SCHIP1: variants seen among roughly 807,000 people sequenced by gnomAD.
SCHIP1 encodes the protein schwannomin interacting protein 1.
SCHIP1 carries 8 observed loss-of-function variants against 29.7 expected under a neutral mutation model. That is an observed-to-expected ratio of 0.27 (90% confidence interval 0.16 to 0.49). The LOEUF is 0.49. Among genes scored for constraint, SCHIP1 ranks in the 20% least tolerant of loss-of-function variants. SCHIP1 has a pLI of 0.99. For synonymous variants in SCHIP1, 76 were observed against 94.9 expected, an observed-to-expected ratio of 0.80 and a Z score of 1.16; for missense variants, 193 against 294.6, an observed-to-expected ratio of 0.66 and a Z score of 2.52.
the SCHIP1 span, among the ~76,000 whole-genome samples, chr3:159,381,490 C>T: frequency 6.6e-6 from 1 of 152,192 alleles, no homozygotes. Flanking sequence ...ATCAATCCAT[C>T]CAAAAACCCT....
chr3:159,843,692 G>A (rs986097047), intron 1 of SCHIP1, among the ~76,000 whole-genome samples: 13 of 151,740 alleles, frequency 8.6e-5, no homozygotes, highest in African/African-American at 2.9e-4. Flanking sequence ...CCAAGGTGGC[G>A]GGCACCTGTA....
chr3:159,376,894 T>G, the SCHIP1 span, among the ~76,000 whole-genome samples: 1 of 152,236 alleles, frequency 6.6e-6, no homozygotes, highest in Non-Finnish European at 1.5e-5. Flanking sequence ...GGAGAACTTG[T>G]GGCTTCTGTT....
chr3:159,728,244 G>A, the SCHIP1 span, among the ~76,000 whole-genome samples: 1 of 152,030 alleles, frequency 6.6e-6, no homozygotes, highest in Admixed American at 6.6e-5. Context: ...CCTAGGCAGG[G>A]GATAAAGACT....
chr3:159,647,993 C>A, the SCHIP1 span, among the ~76,000 whole-genome samples: 1 of 152,104 alleles, frequency 6.6e-6, no homozygotes, highest in African/African-American at 2.4e-5. Context: ...CCACTTCTTC[C>A]GCTAGATCCC....
the SCHIP1 span, among the ~76,000 whole-genome samples, chr3:159,336,056 T>G: frequency 6.6e-6 from 1 of 152,352 alleles, no homozygotes; most frequent in African/African-American, 2.4e-5. Flanking sequence ...TGAGAAGGTA[T>G]CTTATTGTGG....
chr3:159,444,488 G>A, the SCHIP1 span, among the ~76,000 whole-genome samples: 4 of 151,274 alleles, frequency 2.6e-5, no homozygotes, highest in Non-Finnish European at 5.9e-5. Context: ...ATTAATTGCT[G>A]CACCTTAAAA....
At chr3:159,297,828 G>T in the SCHIP1 span, among the ~76,000 whole-genome samples, 2 of 152,234 alleles carry the variant, frequency 1.3e-5, no homozygotes, top group South Asian at 4.1e-4. Flanking sequence ...CACTCCATCA[G>T]GTCTTTGCTC....
At chr3:159,863,743 A>AG (rs1714305336) in intron 1 of SCHIP1, among the ~76,000 whole-genome samples, 1 of 152,128 alleles carries the variant, frequency 6.6e-6, no homozygotes, top group Non-Finnish European at 1.5e-5. Flanking sequence ...AGAGAAGGAG[A>AG]GGGGGAAAGA....
At chr3:159,646,001 A>G in the SCHIP1 span, among the ~76,000 whole-genome samples, 1 of 152,174 alleles carries the variant, frequency 6.6e-6, no homozygotes, top group East Asian at 1.9e-4. Flanking sequence ...TTGTGAGTCA[A>G]GATGTCATGT....
At chr3:159,425,785 C>A in the SCHIP1 span, among the ~76,000 whole-genome samples, 1 of 152,010 alleles carries the variant, frequency 6.6e-6, no homozygotes, top group Non-Finnish European at 1.5e-5. Context: ...TGACCACATA[C>A]TTGGAAGTAA....
the SCHIP1 span, among the ~76,000 whole-genome samples, chr3:159,402,948 GA>G: frequency 4.3e-4 from 64 of 150,518 alleles, no homozygotes; most frequent in African/African-American, 1.3e-3. Context: ...AATAATAAAA[GA>G]AAAAAAAGAA....
chr3:159,333,598 C>T, the SCHIP1 span, among the ~76,000 whole-genome samples: 18 of 152,090 alleles, frequency 1.2e-4, no homozygotes, highest in African/African-American at 3.1e-4. Context: ...CCATCCTCAA[C>T]GAACACAGCA....
At chr3:159,543,019 TTAAG>T in the SCHIP1 span, among the ~76,000 whole-genome samples, 2 of 151,290 alleles carry the variant, frequency 1.3e-5, no homozygotes, top group East Asian at 3.9e-4. Context: ...AAAAATGACA[TTAAG>T]TGTGTATGTG....
At chr3:159,391,122 T>G in the SCHIP1 span, among the ~76,000 whole-genome samples, 1 of 152,142 alleles carries the variant, frequency 6.6e-6, no homozygotes, top group African/African-American at 2.4e-5. Context: ...GGGAATAGTT[T>G]AAGGAGTTTG....
At chr3:159,597,071 C>G in the SCHIP1 span, among the ~76,000 whole-genome samples, 1 of 151,768 alleles carries the variant, frequency 6.6e-6, no homozygotes, top group Admixed American at 6.6e-5. Flanking sequence ...ACTGTGACTT[C>G]TCTTACCACC....
chr3:159,276,412 G>C, the SCHIP1 span, among the ~76,000 whole-genome samples: 1 of 152,138 alleles, frequency 6.6e-6, no homozygotes, highest in Non-Finnish European at 1.5e-5. Flanking sequence ...CACTACAAGG[G>C]GCACAGTGGA....
the SCHIP1 span, among the ~76,000 whole-genome samples, chr3:159,594,341 TGTTA>T: frequency 6.6e-6 from 1 of 152,238 alleles, no homozygotes; most frequent in Non-Finnish European, 1.5e-5. Flanking sequence ...TTAAATGTTA[TGTTA>T]GTTGGTTAAT....
At chr3:159,754,732 C>T in the SCHIP1 span, among the ~76,000 whole-genome samples, 1 of 152,092 alleles carries the variant, frequency 6.6e-6, no homozygotes, top group Non-Finnish European at 1.5e-5. Context: ...ACCATCCTGC[C>T]CAAGCCAAGA....
chr3:159,595,570 T>C, the SCHIP1 span, among the ~76,000 whole-genome samples: 3 of 151,970 alleles, frequency 2.0e-5, no homozygotes, highest in Non-Finnish European at 2.9e-5. Context: ...TGGTCAGAGT[T>C]CCACCATCAG....
Sources: allele counts gnomAD v4.1 joint callset (sites outside exome capture counted in the v4.1 genomes callset), GRCh38; gene constraint gnomAD v4.1.1; transcripts MANE v1.5; gene names NCBI Gene and HGNC (gene_info 2026-07-23, HGNC 2026-07-21).